The following ASB10 variants were observed in gnomAD, a reference collection of about 807,000 sequenced individuals.
ASB10 encodes ankyrin repeat and SOCS box protein 10.
In ASB10, 44 loss-of-function variants were observed where a neutral mutation model predicts 35.4. The ratio of observed to expected loss-of-function variants is 1.24; its 90% CI spans 0.98 to 1.60. ASB10 has a LOEUF of 1.60. Ranked by LOEUF, ASB10 falls within the 40% of genes most tolerant of loss-of-function variation. ASB10 has a pLI of 0.00. For synonymous variants in ASB10, 294 were observed against 280.4 expected (o/e 1.05, Z -0.49); for missense variants, 647 against 634.3 (o/e 1.02, Z -0.22).
chr7:151,187,343 G>A (rs948587586), upstream of ASB10: 37 of 1,527,398 alleles, frequency 2.4e-5, no homozygotes, highest in African/African-American at 1.5e-4. This position sits in a 1 kb window ranked among gnomAD's most constrained non-coding sequence, Gnocchi z 5.3. Flanking sequence ...CTTTGAGGTC[G>A]GGGAGAAACA....
chr7:151,176,339 C>G (rs1353888401), intron 4 of ASB10, 42 bp from the exon 5 acceptor site: 5 of 1,515,942 alleles, frequency 3.3e-6, no homozygotes, highest in Admixed American at 4.4e-5. Flanking sequence ...CAGCCTCAGA[C>G]AGGTAGCACC....
Position 151,176,251 on chromosome 7 carries a change from G to C in ASB10, c.1265C>G (p.Pro422Arg), listed in dbSNP as rs566879250. The change falls in exon 5 of 6, where the codon CCC becomes CGC. Residue 422 changes from proline to arginine, a missense_variant. Transcript: ENST00000420175. ...GCGGCTCAAATGCTGCAGCGACCTG[G>C]GCTGCCTCACCAAGGCGAAGAGGGA... ...YSSLFALVRQ[P>R]RSLQHLSRCA... 1.1e-5 allele frequency: 17 copies of C among 1,587,528 alleles called. No individual in the cohort carries two copies. The Admixed American group carries it at 3.0e-4, about 28-fold the overall frequency.
At chr7:151,180,230 C>T (rs1801460232) in intron 3 of ASB10, among the ~76,000 whole-genome samples, 1 of 152,238 alleles carries the variant, frequency 6.6e-6, no homozygotes, top group African/African-American at 2.4e-5. Context: ...GGCAAGGCCC[C>T]CTCACAGGGC....
At chr7:151,183,172 C>T (rs1195816740) in intron 2 of ASB10, among the ~76,000 whole-genome samples, 2 of 152,114 alleles carry the variant, frequency 1.3e-5, no homozygotes, top group Non-Finnish European at 2.9e-5. Context: ...ACAGAGCTGG[C>T]TAGGTGCAGT....
chr7:151,187,285 G>A (rs977066049), upstream of ASB10: 2 of 1,508,954 alleles, frequency 1.3e-6, no homozygotes, highest in South Asian at 1.3e-5. This position sits in a 1 kb window ranked among gnomAD's most constrained non-coding sequence, Gnocchi z 5.3. Flanking sequence ...GCTATTCTGG[G>A]CTCCACATGA....
rs771203361 is a variant in ASB10 at position 151,176,565 on chromosome 7, G to A, written c.1216C>T (p.Gln406Ter). ...TGTTCAGGGCCTTGGAATCTGACCT[G>A]CAGAGTTTCAGGAGTCACCAGGCCG... ...AVGLVTPETL[Q>*]KHQRFYSSLF... Residue 406 changes from glutamine (Q) to a stop codon, truncating the protein, a stop_gained and splice_region_variant, in exon 4 of 6, where the codon CAG becomes TAG. Transcript: ENST00000420175. LOFTEE classifies it high-confidence loss of function. The A allele has an allele frequency of 1.0e-5, 16 of 1,550,342 alleles. No homozygotes were observed. Among genetic ancestry groups the A allele is most frequent in the South Asian group, 9.5e-5 (8 of 84,038 alleles).
In ASB10 at chr7:151,181,305, G is replaced by A. The variant is rs372100256; in HGVS notation, c.738C>T (p.Ala246=). 2.2e-4 allele frequency: 353 copies of A among 1,613,126 alleles called. 6 individuals carry two copies. In the South Asian group the frequency reaches 2.5e-3, roughly 11 times the overall value. ...CAGCCAGCAGTGGGGTCCAGCCTTC[G>A]GCATTGCGGGCATCAGGACATGCCC... ...RRGACPDARN[A]EGWTPLLAAC... Residue 246 remains alanine, a synonymous_variant, in exon 3 of 6, where the codon GCC becomes GCT. Transcript: ENST00000420175.
Position 151,181,109 on chromosome 7 carries a change from G to A in ASB10, c.934C>T (p.Leu312=). ...GCGCTGACACCACAGGACAGGAGCA[G>A]CTCCACGACAGCTGCATGGCCACGG... ...CRRGHAAVVE[L]LLSCGVSANT... The change falls in exon 3 of 6, where the codon CTG becomes TTG. Residue 312 remains leucine (L), a synonymous_variant. Coordinates refer to ENST00000420175, the MANE Select transcript of ASB10 (RefSeq NM_001142459.2). 2 of 1,612,222 alleles carry A rather than the reference G, an allele frequency of 1.2e-6. No individual in the cohort carries two copies. The highest frequency in any genetic ancestry group is 8.5e-7 in the Non-Finnish European group (1 of 1,179,592).
rs1013238466 is a variant in ASB10 at position 151,175,943 on chromosome 7, G to C, written c.*24C>G. 13 of 862,222 alleles carry C rather than the reference G, an allele frequency of 1.5e-5. No homozygotes were observed. Among genetic ancestry groups the C allele is most frequent in the Non-Finnish European group, 1.9e-5 (11 of 588,334 alleles). The allele number at this position is 862,222 out of a possible 1,614,324, so 53.4% of individuals were successfully genotyped here. ...TGCAGGCTGGGGCATCTGCTTTCAG[G>C]CCCTCTCAAAAGGCCATGGACATCT... On this transcript the variant is annotated 3_prime_UTR_variant, in exon 6 of 6. Transcript: ENST00000420175.
Position 151,181,278 on chromosome 7 carries a change from G to A in ASB10, c.765C>T (p.Ala255=), listed in dbSNP as rs1171063544. 6.2e-7 allele frequency: 1 copy of A among 1,613,170 alleles called. No individual in the cohort carries two copies. Among genetic ancestry groups the A allele is most frequent in the Non-Finnish European group, 8.5e-7 (1 of 1,180,016 alleles). ...TGATGGACTGGCAGCGGACGTCACA[G>A]GCAGCCAGCAGTGGGGTCCAGCCTT... ...NAEGWTPLLA[A]CDVRCQSITD... is the part of the protein sequence containing the mutation. The change falls in exon 3 of 6, where the codon GCC becomes GCT. Residue 255 remains alanine (A), a synonymous_variant. Coordinates refer to ENST00000420175, the MANE Select transcript of ASB10 (RefSeq NM_001142459.2).
chr7:151,181,340 G>A lies in ASB10; in HGVS notation c.703C>T (p.Leu235=). The A allele has an allele frequency of 1.2e-6, 2 of 1,613,246 alleles. No homozygotes were observed. Among genetic ancestry groups the A allele is most frequent in the Non-Finnish European group, 1.7e-6 (2 of 1,179,988 alleles). The change falls in exon 3 of 6, where the codon CTA becomes TTA. Residue 235 remains leucine, a synonymous_variant. Transcript: ENST00000420175. The part of the protein sequence containing the change: ...LGHVELADLL[L]RRGACPDARN... ...GCATCAGGACATGCCCCCCGTCTTA[G>A]AAGCAGATCTGCCAGCTCCACATGG...
chr7:151,176,082 C>T, intron 5 of ASB10, 30 bp downstream of exon 5: 1 of 1,605,610 alleles, frequency 6.2e-7, no homozygotes, highest in African/African-American at 1.3e-5. Context: ...CCCCAAGCAG[C>T]TGTGACTGCT....
At chr7:151,187,557 T>A (rs1460305674), upstream of ASB10, 21 of 1,551,248 alleles carry the variant, frequency 1.4e-5, no homozygotes, top group Non-Finnish European at 1.8e-5. The surrounding 1 kb of genome is among the most constrained non-coding windows in gnomAD (Gnocchi z 5.3). Flanking sequence ...AGGTCCCCGG[T>A]GTAGAGGGCA....
At chr7:151,181,820 G>T (rs1219913056) in intron 2 of ASB10, among the ~76,000 whole-genome samples, 1 of 152,016 alleles carries the variant, frequency 6.6e-6, no homozygotes, top group African/African-American at 2.4e-5. Context: ...CACCATGTTT[G>T]CCAGGCTGGT....
rs747726049 is a variant in ASB10 at position 151,181,325 on chromosome 7, A to T, written c.718T>A (p.Cys240Ser). 5.0e-6 allele frequency: 8 copies of T among 1,613,126 alleles called. No individual in the cohort carries two copies. The highest frequency in any genetic ancestry group is 2.5e-6 in the Non-Finnish European group (3 of 1,179,998). Residue 240 changes from cysteine (C) to serine (S), a missense_variant, in exon 3 of 6, where the codon TGT becomes AGT. Cys to Ser is a moderately radical substitution (Grantham distance 112). Transcript: ENST00000420175. The stretch of plus-strand genomic sequence containing the variant: ...CCTTCGGCATTGCGGGCATCAGGAC[A>T]TGCCCCCCGTCTTAGAAGCAGATCT... Reference protein sequence around the residue: ...LADLLLRRGACPDARNAEGWT... With the variant: ...LADLLLRRGASPDARNAEGWT...
intron 2 of ASB10, among the ~76,000 whole-genome samples, chr7:151,181,984 G>A (rs558878628): frequency 6.6e-6 from 1 of 152,298 alleles, no homozygotes; most frequent in Admixed American, 6.5e-5. Context: ...GGGAATAAAC[G>A]TCACCAGCAG....
intron 3 of ASB10, among the ~76,000 whole-genome samples, chr7:151,179,389 G>A (rs1326863315): frequency 8.5e-5 from 13 of 152,234 alleles, no homozygotes; most frequent in Admixed American, 6.5e-4. Context: ...ACAGCTTAGA[G>A]CAGTGCCTGG....
intron 3 of ASB10, among the ~76,000 whole-genome samples, chr7:151,177,883 A>G (rs935177437): frequency 2.0e-5 from 3 of 152,232 alleles, no homozygotes; most frequent in Non-Finnish European, 4.4e-5. Context: ...TCGTCATCCA[A>G]GAGCTTCTAT....
At chr7:151,184,847 C>T (rs552160390) in intron 2 of ASB10, among the ~76,000 whole-genome samples, 11 of 151,950 alleles carry the variant, frequency 7.2e-5, no homozygotes, top group Admixed American at 2.6e-4. Flanking sequence ...ACTGTGAAAC[C>T]GCGTCTCTAC....
Sources: gnomAD v4.1 joint callset for allele counts (sites outside exome capture counted in the v4.1 genomes callset) on GRCh38, gnomAD v4.1.1 for gene constraint, Gnocchi (gnomAD v3.1) non-coding constraint, MANE v1.5 for transcripts, NCBI Gene and HGNC (gene_info 2026-07-23, HGNC 2026-07-21) for gene names.